Variants in HSH2D observed in about 807,000 individuals in gnomAD.
HSH2D encodes hematopoietic SH2 domain containing, also known as hematopoietic SH2 domain-containing protein.
Under a neutral mutation model 21.5 loss-of-function variants are expected in HSH2D, and 16 were observed. The ratio of observed to expected loss-of-function variants is 0.74; its 90% CI spans 0.50 to 1.13. The LOEUF is 1.13. HSH2D is among the 50% of genes most tolerant of loss of function. HSH2D has a pLI of 0.00. For synonymous variants in HSH2D, 172 were observed against 184.7 expected, an observed-to-expected ratio of 0.93 and a Z score of 0.56; for missense variants, 418 against 441.4, an observed-to-expected ratio of 0.95 and a Z score of 0.47.
intron 2 of HSH2D, among the ~76,000 whole-genome samples, chr19:16,152,016 A>T (rs952290877): frequency 6.7e-6 from 1 of 149,362 alleles, no homozygotes; most frequent in African/African-American, 2.5e-5. Flanking sequence ...CTGAGGCAAG[A>T]GAATCACCTG....
At chr19:16,145,601 C>T in intron 1 of HSH2D, among the ~76,000 whole-genome samples, 1 of 152,096 alleles carries the variant, frequency 6.6e-6, no homozygotes, top group East Asian at 1.9e-4. Context: ...CCCAGAATTC[C>T]CTCAGGCCAT....
upstream of HSH2D, among the ~76,000 whole-genome samples, chr19:16,138,807 A>T (rs1422786876): frequency 6.6e-6 from 1 of 151,644 alleles, no homozygotes; most frequent in Admixed American, 6.6e-5. Context: ...GAACTCATTC[A>T]GCATCTGTCT....
At chr19:16,147,978 A>C (rs1423967762) in intron 1 of HSH2D, among the ~76,000 whole-genome samples, 1 of 151,230 alleles carries the variant, frequency 6.6e-6, no homozygotes, top group Non-Finnish European at 1.5e-5. Flanking sequence ...GTTGTTTTTG[A>C]AACATGGTCT....
At chr19:16,148,906 C>T (rs773409915) in intron 2 of HSH2D, 31 bp downstream of exon 2, 5 of 1,580,268 alleles carry the variant, frequency 3.2e-6, no homozygotes, top group Non-Finnish European at 3.4e-6. Flanking sequence ...TCCACCCTGC[C>T]CTCCCCACCC....
In HSH2D at chr19:16,157,656, G is replaced by C. The variant is rs777846869; in HGVS notation, c.921G>C (p.Arg307Ser). 6.2e-7 allele frequency: 1 copy of C among 1,613,578 alleles called. No homozygotes were observed. The highest frequency in any genetic ancestry group is 1.1e-5 in the South Asian group (1 of 91,052). ...VSCIEVTPGD[R>S]SWHQMVVRAL... ...GCATTGAGGTGACCCCAGGGGACAGGAGTTGGCACCAAATGGTAGTGAGAG... is the reference window on the plus strand; with the variant it reads ...GCATTGAGGTGACCCCAGGGGACAGCAGTTGGCACCAAATGGTAGTGAGAG... Residue 307 changes from arginine to serine, a missense_variant, in exon 6 of 6, where the codon AGG becomes AGC. By Grantham distance (110) the Arg-to-Ser change is moderately radical (BLOSUM62 -1). Transcript: ENST00000613986. The surrounding 1 kb of genome is among the most constrained non-coding windows in gnomAD (Gnocchi z 4.4).
At chr19:16,140,545 C>T (rs1222849956), upstream of HSH2D, among the ~76,000 whole-genome samples, 5 of 151,962 alleles carry the variant, frequency 3.3e-5, no homozygotes, top group Non-Finnish European at 7.4e-5. Context: ...GTGGAGGTTG[C>T]AGTGAGCCAA....
intron 1 of HSH2D, among the ~76,000 whole-genome samples, chr19:16,146,128 C>A (rs544107009): frequency 1.3e-5 from 2 of 151,244 alleles, no homozygotes; most frequent in South Asian, 4.2e-4. Flanking sequence ...CCTGAAGGAA[C>A]TATCTAGCAA....
At chr19:16,145,480 T>C (rs947086515) in intron 1 of HSH2D, among the ~76,000 whole-genome samples, 2 of 152,200 alleles carry the variant, frequency 1.3e-5, no homozygotes, top group Non-Finnish European at 2.9e-5. Flanking sequence ...CTGACAGTGC[T>C]GGGATTACAG....
At chr19:16,149,911 G>C (rs1568330451) in intron 2 of HSH2D, among the ~76,000 whole-genome samples, 1 of 152,058 alleles carries the variant, frequency 6.6e-6, no homozygotes, top group African/African-American at 2.4e-5. Flanking sequence ...CAGACTGTGA[G>C]CTCTGAGGAT....
intron 1 of HSH2D, among the ~76,000 whole-genome samples, chr19:16,137,187 C>T (rs1000759008): frequency 6.6e-6 from 1 of 152,054 alleles, no homozygotes; most frequent in Non-Finnish European, 1.5e-5. Flanking sequence ...GTTTCCACCT[C>T]ATAGGATGGC....
At chr19:16,138,724 G>A (rs1039716093), upstream of HSH2D, among the ~76,000 whole-genome samples, 7 of 151,972 alleles carry the variant, frequency 4.6e-5, no homozygotes, top group Non-Finnish European at 1.0e-4. Flanking sequence ...CCAAAGTGCT[G>A]GGATTACAGG....
chr19:16,155,705 C>CCGCCTCCCAGGTTCAAG (rs2145061680), intron 5 of HSH2D: 1 of 152,030 alleles, frequency 6.6e-6, no homozygotes, highest in South Asian at 2.1e-4. Flanking sequence ...GCTGCAACCT[C>CCGCCTCCCAGGTTCAAG]CGCCTCCCAG....
At chr19:16,148,001 C>T (rs1024489184) in intron 1 of HSH2D, among the ~76,000 whole-genome samples, 1 of 152,094 alleles carries the variant, frequency 6.6e-6, no homozygotes, top group Admixed American at 6.6e-5. Flanking sequence ...CTCTGTTCCC[C>T]AGGCTGGAGT....
At chr19:16,140,583 C>T (rs1160357574), upstream of HSH2D, among the ~76,000 whole-genome samples, 1 of 151,810 alleles carries the variant, frequency 6.6e-6, no homozygotes, top group African/African-American at 2.4e-5. Flanking sequence ...CCAGCCGGGG[C>T]GATAGAACAA....
chr19:16,135,027 G>A (rs1211649105), intron 1 of HSH2D, among the ~76,000 whole-genome samples: 10 of 151,124 alleles, frequency 6.6e-5, no homozygotes, highest in African/African-American at 2.4e-4. Flanking sequence ...CCAGCACTTT[G>A]GGAGGCCGAG....
chr19:16,148,242 G>A (rs536794870), intron 1 of HSH2D, among the ~76,000 whole-genome samples: 1 of 152,012 alleles, frequency 6.6e-6, no homozygotes, highest in Non-Finnish European at 1.5e-5. Context: ...TCTGCCCCCC[G>A]GGTTCAAGTG....
rs770310017 is a variant in HSH2D, at chr19:16,157,677, G to A, written c.942G>A (p.Val314=). Residue 314 remains valine, a synonymous_variant, in exon 6 of 6, where the codon GTG becomes GTA. Coordinates refer to ENST00000613986, the MANE Select transcript of HSH2D (RefSeq NM_001382417.1). This position sits in a 1 kb window ranked among gnomAD's most constrained non-coding sequence, Gnocchi z 4.4. Reference sequence around the variant, plus strand: ...ACAGGAGTTGGCACCAAATGGTAGTGAGAGCCCTATCCTCCCAGGAGTCCA... The same window carrying A: ...ACAGGAGTTGGCACCAAATGGTAGTAAGAGCCCTATCCTCCCAGGAGTCCA... ...PGDRSWHQMV[V]RALSSQESKP... 7 of 1,613,350 alleles carry A rather than the reference G, an allele frequency of 4.3e-6. No homozygotes were observed. Among genetic ancestry groups the A allele is most frequent in the Non-Finnish European group, 5.9e-6 (7 of 1,179,652 alleles).
At position 16,154,567 on chromosome 19, in the gene HSH2D, G is replaced by A. The variant is rs1368786995; in HGVS notation, c.474+76G>A. 2.9e-5 allele frequency: 24 copies of A among 839,768 alleles called. No homozygotes were observed. In the East Asian group the frequency reaches 6.0e-4, roughly 21 times the overall value. The allele number at this position is 839,768 out of a possible 1,614,324, so 52.0% of individuals were successfully genotyped here. A position where few individuals can be genotyped will look rare whatever the true frequency, so the allele number is the denominator to read the frequency against. ...GTGGAGGTGGTCAACAGCTTCCAGAGGAGGCTCCTTCTAGAATGAGAATGC... is the reference window on the plus strand; with the variant it reads ...GTGGAGGTGGTCAACAGCTTCCAGAAGAGGCTCCTTCTAGAATGAGAATGC... On this transcript the variant is annotated intron_variant, in intron 5 of 5. Transcript: ENST00000613986.
chr19:16,147,714 C>T (rs55955340), intron 1 of HSH2D, among the ~76,000 whole-genome samples: 2 of 150,460 alleles, frequency 1.3e-5, no homozygotes, highest in East Asian at 2.0e-4. Flanking sequence ...GGTGCAATCT[C>T]GGCTCACTGC....
Sources: allele counts gnomAD v4.1 joint callset (sites outside exome capture counted in the v4.1 genomes callset), GRCh38; gene constraint gnomAD v4.1.1; non-coding constraint Gnocchi (gnomAD v3.1); transcripts MANE v1.5; gene names NCBI Gene and HGNC (gene_info 2026-07-23, HGNC 2026-07-21).